TPTE: variants seen among roughly 807,000 people sequenced by gnomAD.
TPTE encodes the protein putative tyrosine-protein phosphatase TPTE.
TPTE carries 59 observed loss-of-function variants against 84.1 expected under a neutral mutation model. The ratio of observed to expected loss-of-function variants is 0.70; its 90% CI spans 0.57 to 0.87. The LOEUF (loss-of-function observed/expected upper bound fraction) is 0.87, where lower values mean the gene tolerates loss of function less well. Among genes scored for constraint, TPTE ranks in the 40% least tolerant of loss-of-function variants. The pLI is 0.00. For missense variants in TPTE, 382 were observed against 659.6 expected, an observed-to-expected ratio of 0.58 and a Z score of 4.61; for synonymous variants, 130 against 223.5, an observed-to-expected ratio of 0.58 and a Z score of 3.73.
intron 8 of TPTE, among the ~76,000 whole-genome samples, chr21:10,553,771 C>T (rs1175292991): frequency 2.6e-5 from 4 of 152,308 alleles, no homozygotes; most frequent in East Asian, 3.8e-4. Context: ...TATATTCATT[C>T]ACCTGATACT....
At chr21:10,540,347 C>T (rs1247794282) in intron 4 of TPTE, among the ~76,000 whole-genome samples, 1 of 152,308 alleles carries the variant, frequency 6.6e-6, no homozygotes, top group African/African-American at 2.4e-5. Flanking sequence ...TTTCTAGAGT[C>T]CTCTCAGAAT....
At chr21:10,558,316 A>G (rs1057378121) in intron 8 of TPTE, among the ~76,000 whole-genome samples, 1 of 152,306 alleles carries the variant, frequency 6.6e-6, no homozygotes, top group Non-Finnish European at 1.5e-5. Context: ...TAGCTCTTCA[A>G]GGTATTGCCA....
At chr21:10,582,363 C>G (rs1248393012) in intron 17 of TPTE, among the ~76,000 whole-genome samples, 2 of 152,306 alleles carry the variant, frequency 1.3e-5, no homozygotes, top group Non-Finnish European at 1.5e-5. Flanking sequence ...TTCTCTCTAC[C>G]ACACTTTTGT....
At chr21:10,535,345 A>G (rs1452986226) in intron 3 of TPTE, among the ~76,000 whole-genome samples, 1 of 152,310 alleles carries the variant, frequency 6.6e-6, no homozygotes, top group Non-Finnish European at 1.5e-5. Flanking sequence ...ACGCATGCAT[A>G]CACATACACA....
intron 14 of TPTE, among the ~76,000 whole-genome samples, chr21:10,572,610 G>A (rs1272991634): frequency 1.3e-5 from 2 of 151,760 alleles, no homozygotes; most frequent in Non-Finnish European, 2.9e-5. Context: ...AAGTACCGAA[G>A]GAAAAAAAAA....
rs199893707 is a variant in TPTE at position 10,597,703 on chromosome 21, C to A, written c.1277-312C>A. On this transcript the variant is annotated intron_variant, in intron 20 of 23. Coordinates refer to ENST00000618007, the MANE Select transcript of TPTE (RefSeq NM_199261.4). ...GTGCTAGGATTACAGGTATGAGCCA[C>A]CATGCCTGGCCTAGCTTCCCTAAAT... Among the ~76,000 whole-genome samples the A allele has an allele frequency of 7.9e-5, 12 of 152,412 alleles. No homozygotes were observed. In the East Asian group the frequency reaches 2.1e-3, roughly 27 times the overall value.
chr21:10,577,553 G>A (rs367616977), intron 15 of TPTE, 33 bp downstream of exon 15: 10 of 1,613,686 alleles, frequency 6.2e-6, no homozygotes, highest in Non-Finnish European at 8.5e-6. Context: ...TGCTACTGTA[G>A]ATAGAAAACA....
intron 21 of TPTE, among the ~76,000 whole-genome samples, chr21:10,601,152 TTTAA>T (rs1568792252): frequency 6.6e-6 from 1 of 152,308 alleles, no homozygotes; most frequent in East Asian, 1.9e-4. Context: ...AATAATAATA[TTTAA>T]TTGATTACAG....
At chr21:10,564,403 A>G in intron 10 of TPTE, among the ~76,000 whole-genome samples, 1 of 152,416 alleles carries the variant, frequency 6.6e-6, no homozygotes, top group East Asian at 1.9e-4. Context: ...TCAGCTACTC[A>G]TGAGGCCGAG....
intron 3 of TPTE, among the ~76,000 whole-genome samples, chr21:10,536,630 A>C (rs1303311911): frequency 5.3e-5 from 8 of 152,302 alleles, no homozygotes; most frequent in Admixed American, 5.2e-4. Context: ...AGAAAGATGA[A>C]GATTATGTGC....
At chr21:10,575,622 A>G (rs2075134318) in intron 14 of TPTE, among the ~76,000 whole-genome samples, 1 of 152,310 alleles carries the variant, frequency 6.6e-6, no homozygotes, top group Non-Finnish European at 1.5e-5. Context: ...GGCTGGATAC[A>G]GGTCAGTATC....
At chr21:10,572,471 AAGGAAAT>A (rs1465411875) in intron 14 of TPTE, among the ~76,000 whole-genome samples, 3 of 151,962 alleles carry the variant, frequency 2.0e-5, no homozygotes, top group African/African-American at 7.3e-5. Flanking sequence ...AAAAAAAAAA[AAGGAAAT>A]GTTAAAAACA....
intron 8 of TPTE, among the ~76,000 whole-genome samples, chr21:10,556,342 T>A (rs1485502394): frequency 6.6e-6 from 1 of 152,312 alleles, no homozygotes; most frequent in African/African-American, 2.4e-5. Context: ...GGTTTCCAGC[T>A]TCATCCATGT....
intron 14 of TPTE, among the ~76,000 whole-genome samples, chr21:10,577,239 A>G (rs1393666324): frequency 6.6e-6 from 1 of 152,306 alleles, no homozygotes; most frequent in Non-Finnish European, 1.5e-5. Flanking sequence ...TGCATTTACA[A>G]TAGAGACTCA....
intron 7 of TPTE, among the ~76,000 whole-genome samples, chr21:10,549,645 C>T (rs1199440866): frequency 6.6e-6 from 1 of 151,814 alleles, no homozygotes; most frequent in Admixed American, 6.6e-5. Context: ...CACAGACAGG[C>T]AAAAAAAGGA....
intron 8 of TPTE, among the ~76,000 whole-genome samples, chr21:10,555,526 T>C (rs1282372783): frequency 9.2e-5 from 14 of 152,420 alleles, no homozygotes; most frequent in Admixed American, 6.5e-4. Context: ...TATTTTTGAA[T>C]TGTCATTTAA....
At chr21:10,543,616 G>T (rs1249312477) in intron 7 of TPTE, among the ~76,000 whole-genome samples, 3 of 152,310 alleles carry the variant, frequency 2.0e-5, no homozygotes, top group Non-Finnish European at 4.4e-5. Context: ...TTTTAACAGG[G>T]TTTCCAATTC....
At chr21:10,598,835 C>T (rs1006668921) in intron 21 of TPTE, among the ~76,000 whole-genome samples, 1 of 152,304 alleles carries the variant, frequency 6.6e-6, no homozygotes, top group African/African-American at 2.4e-5. Flanking sequence ...TCTCCTATTA[C>T]TAACCCTATT....
intron 3 of TPTE, among the ~76,000 whole-genome samples, chr21:10,527,863 A>G (rs1045555157): frequency 3.9e-5 from 6 of 152,304 alleles, no homozygotes; most frequent in Non-Finnish European, 7.3e-5. Flanking sequence ...AGAAGCAAAG[A>G]TATCTGTGAC....
Sources: gnomAD v4.1 joint callset for allele counts (sites outside exome capture counted in the v4.1 genomes callset) on GRCh38, gnomAD v4.1.1 for gene constraint, MANE v1.5 for transcripts, NCBI Gene and HGNC (gene_info 2026-07-23, HGNC 2026-07-21) for gene names.